DMGDH: variants seen among roughly 807,000 people sequenced by gnomAD.
The protein encoded by DMGDH is dimethylglycine dehydrogenase, mitochondrial.
In DMGDH, 76 loss-of-function variants were observed where a neutral mutation model predicts 95.2. That is an observed-to-expected ratio of 0.80 (90% confidence interval 0.66 to 0.97). The LOEUF (loss-of-function observed/expected upper bound fraction) is 0.97, where lower values mean the gene tolerates loss of function less well. Ranked by LOEUF, DMGDH falls within the 50% of genes least tolerant of loss-of-function variation. The probability of loss-of-function intolerance (pLI) is 0.00; values close to 1 mark genes in which losing one functional copy is unlikely to be tolerated. For synonymous variants in DMGDH, 345 were observed against 377.6 expected, an observed-to-expected ratio of 0.91 and a Z score of 1.00; for missense variants, 987 against 1,055.0, an observed-to-expected ratio of 0.94 and a Z score of 0.89.
chr5:79,010,662 T>G (rs1753632757), intron 14 of DMGDH, among the ~76,000 whole-genome samples: 1 of 152,226 alleles, frequency 6.6e-6, no homozygotes, highest in African/African-American at 2.4e-5. Flanking sequence ...TTTGCATTTC[T>G]GCCTCCACAT....
intron 2 of DMGDH, among the ~76,000 whole-genome samples, chr5:79,059,442 C>G (rs902280855): frequency 6.6e-6 from 1 of 152,226 alleles, no homozygotes; most frequent in Non-Finnish European, 1.5e-5. Context: ...GAAGGTTTCT[C>G]TTCACATTTG....
intron 5 of DMGDH, 69 bp from the exon 6 acceptor site, chr5:79,044,621 T>A: frequency 6.5e-7 from 1 of 1,547,722 alleles, no homozygotes; most frequent in Non-Finnish European, 8.8e-7. Flanking sequence ...CATATAGCAA[T>A]TTATATTAGA....
intron 6 of DMGDH, among the ~76,000 whole-genome samples, chr5:79,043,308 T>C (rs551490835): frequency 6.6e-6 from 1 of 152,250 alleles, no homozygotes; most frequent in Admixed American, 6.5e-5. Flanking sequence ...TCAAGATTTA[T>C]TTGAAGGAGA....
chr5:79,012,996 T>G (rs1004405824), intron 14 of DMGDH, among the ~76,000 whole-genome samples: 1 of 152,246 alleles, frequency 6.6e-6, no homozygotes, highest in Non-Finnish European at 1.5e-5. Context: ...CTTATGCAAA[T>G]GTCTCCAGCC....
At chr5:79,029,822 G>C (rs1754103803) in intron 11 of DMGDH, 82 bp downstream of exon 11, 3 of 1,384,704 alleles carry the variant, frequency 2.2e-6, no homozygotes, top group Non-Finnish European at 3.0e-6. Flanking sequence ...GTACTTTCGA[G>C]TACTGGTAAA....
intron 1 of DMGDH, among the ~76,000 whole-genome samples, chr5:79,066,019 C>A (rs1277187534): frequency 6.6e-6 from 1 of 152,124 alleles, no homozygotes; most frequent in Non-Finnish European, 1.5e-5. Context: ...TCTAAATATT[C>A]TTTTGCTAGT....
At chr5:79,046,169 A>G (rs635859) in intron 5 of DMGDH, among the ~76,000 whole-genome samples, 84,636 of 151,494 alleles carry the variant, frequency 0.56, 23,898 homozygotes, top group East Asian at 0.78. Flanking sequence ...TCACTGCAAC[A>G]TCTGCCTCCA....
Position 79,021,266 on chromosome 5 carries a change from G to C in DMGDH, c.2250+3005C>G, listed in dbSNP as rs528252235. On this transcript the variant is annotated intron_variant, in intron 14 of 15. Coordinates refer to ENST00000255189, the MANE Select transcript of DMGDH (RefSeq NM_013391.3). ...GGGTTATCTTCACAATTACGGCTAA[G>C]AACGTATCCCTACAGCTTTAGTTCC... is the stretch of plus-strand genomic sequence containing the variant. The C allele has an allele frequency of 3.4e-5, 36 of 1,050,546 alleles. 1 individual carries two copies. The South Asian group carries it at 1.2e-3, about 34-fold the overall frequency. 65.1% of individuals were successfully genotyped at this position (1,050,546 alleles called of 1,614,324 possible).
At chr5:79,022,073 C>G (rs1212070826) in intron 14 of DMGDH, among the ~76,000 whole-genome samples, 1 of 152,138 alleles carries the variant, frequency 6.6e-6, no homozygotes, top group Non-Finnish European at 1.5e-5. Flanking sequence ...TGCCTAAGGG[C>G]CAACCAGAGA....
chr5:79,007,217 A>G (rs1182058054), intron 14 of DMGDH, among the ~76,000 whole-genome samples: 2 of 152,242 alleles, frequency 1.3e-5, no homozygotes, highest in Non-Finnish European at 2.9e-5. Context: ...ACCAAAGTTC[A>G]CTATAGTTAA....
chr5:79,068,060 G>A (rs1049234803), intron 1 of DMGDH, among the ~76,000 whole-genome samples: 1 of 152,058 alleles, frequency 6.6e-6, no homozygotes, highest in Non-Finnish European at 1.5e-5. Flanking sequence ...TTGGACTACA[G>A]GTGCACACCA....
At chr5:79,068,880 T>C (rs1485212357) in intron 1 of DMGDH, among the ~76,000 whole-genome samples, 1 of 152,224 alleles carries the variant, frequency 6.6e-6, no homozygotes, top group Non-Finnish European at 1.5e-5. Flanking sequence ...CACACTGGTG[T>C]GCCGCATGCA....
At chr5:79,069,487 C>A in intron 1 of DMGDH, 33 bp downstream of exon 1, 2 of 1,229,546 alleles carry the variant, frequency 1.6e-6, no homozygotes, top group South Asian at 3.6e-5. Flanking sequence ...GCAGCCGCCC[C>A]GTCGCCTCTG....
intron 3 of DMGDH, among the ~76,000 whole-genome samples, chr5:79,055,223 T>C (rs1301809808): frequency 6.6e-6 from 1 of 152,132 alleles, no homozygotes; most frequent in African/African-American, 2.4e-5. Flanking sequence ...CAGGCAGAGG[T>C]CAGCTGACAA....
rs749117070 is a variant in DMGDH, at chr5:79,063,610, T to C, written c.276+3A>G. ...TTATGACAGTTTGGGGTGCTTTTCT[T>C]ACTGCGTGCCAGGTAGATCCAGCCG... On this transcript the variant is annotated splice_donor_region_variant and intron_variant, in intron 2 of 15. Transcript: ENST00000255189. 4 of 1,614,188 alleles carry C rather than the reference T, an allele frequency of 2.5e-6. No homozygotes were observed. Among genetic ancestry groups the C allele is most frequent in the East Asian group, 2.2e-5 (1 of 44,878 alleles).
intron 14 of DMGDH, among the ~76,000 whole-genome samples, chr5:79,005,964 T>C (rs1042254612): frequency 2.6e-5 from 4 of 152,170 alleles, no homozygotes; most frequent in Non-Finnish European, 5.9e-5. Flanking sequence ...GTGTGAGGCA[T>C]AATGCTAGGC....
intron 14 of DMGDH, chr5:79,021,748 G>A (rs151308280): frequency 0.017 from 21,707 of 1,268,940 alleles, 340 homozygotes; most frequent in South Asian, 0.065. Flanking sequence ...ATAAAAGGTA[G>A]TCCATACAAA....
chr5:79,041,589 T>C (rs994104335), intron 7 of DMGDH, among the ~76,000 whole-genome samples: 1 of 152,230 alleles, frequency 6.6e-6, no homozygotes, highest in African/African-American at 2.4e-5. Flanking sequence ...ATTATCTTTG[T>C]CACATCGTGT....
intron 2 of DMGDH, among the ~76,000 whole-genome samples, chr5:79,062,973 T>C (rs1561232131): frequency 6.6e-6 from 1 of 151,994 alleles, no homozygotes; most frequent in Non-Finnish European, 1.5e-5. Flanking sequence ...GCACCTGTAG[T>C]CACAGCTACT....
Sources: gnomAD v4.1 joint callset for allele counts (sites outside exome capture counted in the v4.1 genomes callset) on GRCh38, gnomAD v4.1.1 for gene constraint, MANE v1.5 for transcripts, NCBI Gene and HGNC (gene_info 2026-07-23, HGNC 2026-07-21) for gene names.